Variants in LYST observed in about 807,000 individuals in gnomAD.
LYST encodes the protein lysosomal-trafficking regulator.
In LYST, 192 loss-of-function variants were observed where a neutral mutation model predicts 413.6. The ratio of observed to expected loss-of-function variants is 0.46; its 90% CI spans 0.41 to 0.52. The LOEUF is 0.52. Ranked by LOEUF, LYST falls within the 20% of genes least tolerant of loss-of-function variation. The pLI is 0.00. For synonymous variants in LYST, 1,525 were observed against 1,567.3 expected, an observed-to-expected ratio of 0.97 and a Z score of 0.64; for missense variants, 3,815 against 4,499.9, an observed-to-expected ratio of 0.85 and a Z score of 4.35.
chr1:235,755,397 AG>A, intron 25 of LYST, 80 bp downstream of exon 25: 1 of 1,001,218 alleles, frequency 1.0e-6, no homozygotes, highest in Non-Finnish European at 1.5e-6. Flanking sequence ...TCAAAAGAAA[AG>A]AAAAGAAAAG....
At chr1:235,671,481 A>G (rs1658938485) in intron 50 of LYST, among the ~76,000 whole-genome samples, 1 of 152,210 alleles carries the variant, frequency 6.6e-6, no homozygotes, top group African/African-American at 2.4e-5. Flanking sequence ...TCCCAGGATG[A>G]ATCCCACTGG....
chr1:235,834,822 T>C (rs892538812), intron 1 of LYST, among the ~76,000 whole-genome samples: 1 of 152,074 alleles, frequency 6.6e-6, no homozygotes, highest in Non-Finnish European at 1.5e-5. Flanking sequence ...GAAAGCAGTA[T>C]ATCAACGGCT....
intron 11 of LYST, 140 bp downstream of exon 11, chr1:235,793,363 A>G (rs1183749593): frequency 1.9e-6 from 1 of 524,696 alleles, no homozygotes; most frequent in African/African-American, 1.9e-5. Flanking sequence ...CACACATAAT[A>G]ACATGAAATT....
chr1:235,878,381 G>C (rs2103242057), intron 1 of LYST, among the ~76,000 whole-genome samples: 2 of 152,270 alleles, frequency 1.3e-5, no homozygotes. Context: ...TGAATTCTAT[G>C]TGATTTCAAG....
chr1:235,785,949 T>A (rs542917840), intron 14 of LYST, among the ~76,000 whole-genome samples: 1 of 152,336 alleles, frequency 6.6e-6, no homozygotes, highest in South Asian at 2.1e-4. Flanking sequence ...GTACTCTCCC[T>A]GAATCTATCA....
chr1:235,671,871 A>G (rs1208399838), intron 50 of LYST, among the ~76,000 whole-genome samples: 1 of 152,252 alleles, frequency 6.6e-6, no homozygotes, highest in African/African-American at 2.4e-5. Context: ...TGTGAAAGTT[A>G]GACTGAAAAA....
chr1:235,867,025 C>G (rs2103213993), upstream of LYST: 1 of 152,766 alleles, frequency 6.5e-6, no homozygotes, highest in South Asian at 1.9e-4. Context: ...CGCGTGCGCC[C>G]TTGGCTCCGC....
intron 4 of LYST, among the ~76,000 whole-genome samples, 153 bp downstream of exon 4, chr1:235,812,818 G>C (rs1204154752): frequency 6.6e-6 from 1 of 152,106 alleles, no homozygotes; most frequent in African/African-American, 2.4e-5. Context: ...AAGGAAAAAT[G>C]TGTTTGCCTA....
intron 1 of LYST, among the ~76,000 whole-genome samples, chr1:235,879,251 A>G (rs1329214878): frequency 6.6e-6 from 1 of 152,244 alleles, no homozygotes; most frequent in African/African-American, 2.4e-5. Flanking sequence ...AAATAATATT[A>G]GAGCATTTGT....
chr1:235,864,549 G>T (rs1680271088), intron 1 of LYST, among the ~76,000 whole-genome samples: 2 of 152,180 alleles, frequency 1.3e-5, no homozygotes, highest in East Asian at 3.9e-4. Flanking sequence ...AACAGTTCCG[G>T]ATTGGTATCC....
chr1:235,767,440 A>G (rs993414850), intron 20 of LYST, among the ~76,000 whole-genome samples: 15 of 152,136 alleles, frequency 9.9e-5, no homozygotes, highest in African/African-American at 3.4e-4. Flanking sequence ...AGACTAAGAC[A>G]GGAACATAGA....
chr1:235,819,749 C>T (rs559662954), intron 3 of LYST, among the ~76,000 whole-genome samples: 134 of 152,268 alleles, frequency 8.8e-4, no homozygotes, highest in Admixed American at 1.8e-3. Flanking sequence ...AGGTTCACAC[C>T]ATTCTCCTGC....
rs142093128 is a variant in LYST at position 235,773,990 on chromosome 1, G to C, written c.5636C>G (p.Thr1879Ser). ...KCIVGFYILK[T>S]LLEGCCGEDI... ...TTCACCACAGCATCCTTCAAGAAGG[G>C]TCTATAGAAAATTAGCATTAATATA... is the stretch of plus-strand genomic sequence containing the variant. The change falls in exon 19 of 53, where the codon ACC (threonine) becomes AGC (serine). Residue 1879 changes from threonine (T) to serine (S), a missense_variant and splice_region_variant. By Grantham distance (58) the Thr-to-Ser change is moderately conservative (BLOSUM62 1). Transcript: ENST00000389793. 1 of 1,600,116 alleles carries C rather than the reference G, an allele frequency of 6.2e-7. No homozygotes were observed. The highest frequency in any genetic ancestry group is 8.6e-7 in the Non-Finnish European group (1 of 1,167,654).
intron 3 of LYST, among the ~76,000 whole-genome samples, chr1:235,823,140 TG>T (rs5781845): frequency 0.059 from 8,978 of 152,286 alleles, 895 homozygotes; most frequent in African/African-American, 0.2. Context: ...TCAATCAGTC[TG>T]GGTGGATAAT....
chr1:235,853,576 G>A (rs1678809290), intron 1 of LYST, among the ~76,000 whole-genome samples: 1 of 151,874 alleles, frequency 6.6e-6, no homozygotes, highest in Admixed American at 6.6e-5. Context: ...GCCCAGAAAG[G>A]TGTACATATT....
chr1:235,857,537 T>C (rs1679323677), intron 1 of LYST, among the ~76,000 whole-genome samples: 1 of 151,020 alleles, frequency 6.6e-6, no homozygotes, highest in Admixed American at 6.6e-5. Flanking sequence ...GAAAGAGAAA[T>C]GAGGAGGAGG....
At position 235,662,960 on chromosome 1, in the gene LYST, T is replaced by C. The variant is rs1355800709; in HGVS notation, c.11386A>G (p.Ser3796Gly). The change falls in exon 53 of 53, where the codon AGC (serine) becomes GGC (glycine). Residue 3796 changes from serine (S) to glycine (G), a missense_variant. By Grantham distance (56) the Ser-to-Gly change is moderately conservative (BLOSUM62 0). Transcript: ENST00000389793. The stretch of plus-strand genomic sequence containing the variant: ...CGCATTCACCCGGCTGCATAGCTGC[T>C]AAGGAAGGAATAGAACATTGGCTGT... ...LKQPMFYSFL[S>G]SYAAG 1.9e-6 allele frequency: 3 copies of C among 1,598,548 alleles called. No individual in the cohort carries two copies. The highest frequency in any genetic ancestry group is 2.6e-6 in the Non-Finnish European group (3 of 1,165,854).
In LYST at chr1:235,775,034, A is replaced by G. The variant is rs777397133; in HGVS notation, c.5513T>C (p.Ile1838Thr). The G allele has an allele frequency of 6.2e-6, 10 of 1,611,900 alleles. No individual in the cohort carries two copies. Among genetic ancestry groups the G allele is most frequent in the East Asian group, 2.2e-5 (1 of 44,748 alleles). The change falls in exon 18 of 53, where the codon ATA becomes ACA. Residue 1838 changes from isoleucine (I) to threonine (T), a missense_variant. This residue lies in a region of LYST where 530 missense variants were observed against 696.5 expected (regional missense o/e 0.76). Coordinates refer to ENST00000389793, the MANE Select transcript of LYST (RefSeq NM_000081.4). ...EETQALALRV[I>T]LSLIKYNQQR... ...TTGGTTGTATTTAATTAATGAGAGT[A>G]TAACTCGCAGTGCTAATGCTTGAGT...
At chr1:235,871,019 T>TA (rs994814688), upstream of LYST, among the ~76,000 whole-genome samples, 1 of 152,236 alleles carries the variant, frequency 6.6e-6, no homozygotes, top group African/African-American at 2.4e-5. Flanking sequence ...TGCATTTGAC[T>TA]AAAGACCTGC....
Sources: gnomAD v4.1 joint callset for allele counts (sites outside exome capture counted in the v4.1 genomes callset) on GRCh38, gnomAD v4.1.1 for gene constraint, gnomAD v4.1.1 regional missense constraint, MANE v1.5 for transcripts, NCBI Gene and HGNC (gene_info 2026-07-23, HGNC 2026-07-21) for gene names.